The following NUBPL variants were observed in gnomAD, a reference collection of about 807,000 sequenced individuals.
NUBPL encodes NUBP iron-sulfur cluster assembly factor, mitochondrial, also known as iron-sulfur cluster transfer protein NUBPL.
NUBPL carries 31 observed loss-of-function variants against 45.7 expected under a neutral mutation model. That is an observed-to-expected ratio of 0.68 (90% CI 0.51 to 0.92). NUBPL has a LOEUF of 0.92. Among genes scored for constraint, NUBPL ranks in the 40% least tolerant of loss-of-function variants. The pLI is 0.00. For synonymous variants in NUBPL, 144 were observed against 140.9 expected (o/e 1.02, Z -0.15); for missense variants, 401 against 398.7 (o/e 1.01, Z -0.05).
At position 31,626,540 on chromosome 14, in the gene NUBPL, T is replaced by A. The variant is rs72674854; in HGVS notation, c.382+27161T>A. Among the ~76,000 whole-genome samples the A allele has an allele frequency of 1.9e-3, 288 of 152,316 alleles. 1 individual carries two copies. The highest frequency in any genetic ancestry group is 3.4e-3 in the Middle Eastern group (1 of 294). ...GCTGCTTTGTAATTCCAGGCAGAGA[T>A]TGGAAATGGCAGTAAGTAACCTAGG... On this transcript the variant is annotated intron_variant, in intron 4 of 10. Coordinates refer to ENST00000281081, the MANE Select transcript of NUBPL (RefSeq NM_025152.3).
intron 10 of NUBPL, among the ~76,000 whole-genome samples, chr14:31,855,763 T>C (rs952329753): frequency 2.6e-5 from 4 of 152,126 alleles, no homozygotes; most frequent in Non-Finnish European, 4.4e-5. Context: ...CTTCATCAAG[T>C]CAGGGCAAAT....
At chr14:31,633,737 A>G (rs2035406251) in intron 4 of NUBPL, among the ~76,000 whole-genome samples, 1 of 152,176 alleles carries the variant, frequency 6.6e-6, no homozygotes, top group Non-Finnish European at 1.5e-5. Context: ...TTGCTTCCTA[A>G]TAACTTTCAC....
intron 2 of NUBPL, among the ~76,000 whole-genome samples, chr14:31,564,653 A>G (rs773821823): frequency 6.6e-6 from 1 of 152,154 alleles, no homozygotes; most frequent in African/African-American, 2.4e-5. Flanking sequence ...CAATTTTTCT[A>G]TAAAATATGG....
At chr14:31,617,653 T>G (rs961172798) in intron 4 of NUBPL, among the ~76,000 whole-genome samples, 5 of 152,214 alleles carry the variant, frequency 3.3e-5, no homozygotes, top group Non-Finnish European at 7.3e-5. Flanking sequence ...ATAAGTGTTT[T>G]GATGTGCTGC....
intron 10 of NUBPL, among the ~76,000 whole-genome samples, chr14:31,851,742 AG>A (rs2139007185): frequency 7.5e-6 from 1 of 133,320 alleles, no homozygotes; most frequent in Non-Finnish European, 1.5e-5. Context: ...TTGAAAATTG[AG>A]GGTTTTTTTT....
chr14:31,623,149 C>T (rs1298591912), intron 4 of NUBPL, among the ~76,000 whole-genome samples: 1 of 152,210 alleles, frequency 6.6e-6, no homozygotes, highest in Non-Finnish European at 1.5e-5. Flanking sequence ...TTAATGACTG[C>T]CCTACTGGAT....
chr14:31,777,857 A>G (rs937489179), intron 6 of NUBPL, among the ~76,000 whole-genome samples: 1 of 152,234 alleles, frequency 6.6e-6, no homozygotes, highest in Non-Finnish European at 1.5e-5. Flanking sequence ...CTAGGATCAC[A>G]CAAGCAAGGG....
chr14:31,689,595 T>C (rs983386216), intron 6 of NUBPL, among the ~76,000 whole-genome samples: 1 of 152,242 alleles, frequency 6.6e-6, no homozygotes, highest in Non-Finnish European at 1.5e-5. Context: ...GTGAATATTT[T>C]CTCTCATTCT....
chr14:31,581,559 A>C (rs2033865039), intron 3 of NUBPL, among the ~76,000 whole-genome samples: 1 of 152,184 alleles, frequency 6.6e-6, no homozygotes, highest in Non-Finnish European at 1.5e-5. Context: ...ATATATTCAA[A>C]TTTCACTTCT....
At chr14:31,583,652 C>T (rs150039729) in intron 3 of NUBPL, among the ~76,000 whole-genome samples, 3 of 152,178 alleles carry the variant, frequency 2.0e-5, no homozygotes, top group East Asian at 1.9e-4. Context: ...GGTATAAAAC[C>T]GGTCAGATTT....
chr14:31,752,753 TC>T (rs2038559950), intron 6 of NUBPL, among the ~76,000 whole-genome samples: 1 of 152,212 alleles, frequency 6.6e-6, no homozygotes, highest in African/African-American at 2.4e-5. Context: ...GGTACCAATT[TC>T]CTGTATTAGT....
intron 7 of NUBPL, among the ~76,000 whole-genome samples, chr14:31,804,048 C>T (rs1198376326): frequency 6.6e-6 from 1 of 152,098 alleles, no homozygotes; most frequent in African/African-American, 2.4e-5. Flanking sequence ...GATGCACCAC[C>T]ACACCTAACT....
intron 6 of NUBPL, among the ~76,000 whole-genome samples, chr14:31,769,019 G>A (rs773452032): frequency 3.9e-5 from 6 of 152,164 alleles, no homozygotes; most frequent in Non-Finnish European, 7.4e-5. Flanking sequence ...GCAGTTACAA[G>A]TGGATGTTTA....
intron 4 of NUBPL, among the ~76,000 whole-genome samples, chr14:31,635,437 C>G (rs973063765): frequency 3.3e-5 from 5 of 151,840 alleles, no homozygotes; most frequent in Non-Finnish European, 7.4e-5. Context: ...CTGTTCTGTT[C>G]CATTGGTCTA....
intron 3 of NUBPL, among the ~76,000 whole-genome samples, chr14:31,572,288 C>G (rs988356158): frequency 6.6e-6 from 1 of 151,930 alleles, no homozygotes; most frequent in African/African-American, 2.4e-5. Context: ...TACAGGTACC[C>G]GCCACCACAC....
At chr14:31,843,941 G>A (rs1374717130) in intron 8 of NUBPL, 1 of 152,178 alleles carries the variant, frequency 6.6e-6, no homozygotes, top group Non-Finnish European at 1.5e-5. Context: ...CAAAGGGTAA[G>A]GATCAAGTCT....
chr14:31,650,763 A>G (rs1463666329), intron 4 of NUBPL, among the ~76,000 whole-genome samples: 3 of 152,206 alleles, frequency 2.0e-5, no homozygotes, highest in Non-Finnish European at 4.4e-5. Context: ...GGTAATATAT[A>G]AAGAAAAAAG....
At chr14:31,666,248 T>TTTGTAG (rs1164237585) in intron 4 of NUBPL, among the ~76,000 whole-genome samples, 2 of 39,756 alleles carry the variant, frequency 5.0e-5, no homozygotes, top group African/African-American at 1.8e-4. Flanking sequence ...TATATATATA[T>TTTGTAG]ATATATATAT....
chr14:31,637,222 A>G (rs1010183130), intron 4 of NUBPL, among the ~76,000 whole-genome samples: 2 of 152,176 alleles, frequency 1.3e-5, no homozygotes, highest in African/African-American at 2.4e-5. Context: ...TCTTGTGGGC[A>G]TTTAGTGCTA....
Sources: gnomAD v4.1 joint callset for allele counts (sites outside exome capture counted in the v4.1 genomes callset) on GRCh38, gnomAD v4.1.1 for gene constraint, MANE v1.5 for transcripts, NCBI Gene and HGNC (gene_info 2026-07-23, HGNC 2026-07-21) for gene names.